Variants in SATB2 observed in about 807,000 individuals in gnomAD.
The protein encoded by SATB2 is SATB homeobox 2.
A neutral mutation model predicts 73.4 loss-of-function variants in SATB2; 1 was observed. The ratio of observed to expected loss-of-function variants is 0.01; its 90% CI spans 0.00 to 0.06. SATB2 has a LOEUF of 0.06. Ranked by LOEUF, SATB2 falls within the 10% of genes least tolerant of loss-of-function variation. SATB2 has a pLI of 1.00. For synonymous variants in SATB2, 397 were observed against 367.0 expected (o/e 1.08, Z -0.93); for missense variants, 459 against 945.8 (o/e 0.49, Z 6.75).
At chr2:199,350,874 T>C (rs1390982781) in intron 6 of SATB2, among the ~76,000 whole-genome samples, 1 of 151,710 alleles carries the variant, frequency 6.6e-6, no homozygotes, top group Non-Finnish European at 1.5e-5. Context: ...AATACAAAAA[T>C]TAGCCAGGCA....
chr2:199,280,501 CA>C (rs1692454556), intron 10 of SATB2, among the ~76,000 whole-genome samples: 1 of 152,156 alleles, frequency 6.6e-6, no homozygotes, highest in African/African-American at 2.4e-5. Context: ...TCTCGTCTTT[CA>C]AAAGCAAATG....
At chr2:199,290,432 C>T (rs1007322012) in intron 10 of SATB2, among the ~76,000 whole-genome samples, 3 of 152,182 alleles carry the variant, frequency 2.0e-5, no homozygotes, top group African/African-American at 7.2e-5. Context: ...TATACGTCTA[C>T]ACAGGCAATA....
intron 5 of SATB2, among the ~76,000 whole-genome samples, chr2:199,377,149 G>T (rs1459204934): frequency 1.3e-5 from 2 of 152,176 alleles, no homozygotes; most frequent in African/African-American, 4.8e-5. Context: ...GGCTGAGGCA[G>T]ATGGATCATG....
intron 10 of SATB2, among the ~76,000 whole-genome samples, chr2:199,276,750 C>T (rs1692323440): frequency 3.0e-3 from 3 of 1,004 alleles, no homozygotes; most frequent in Admixed American, 0.016. Context: ...CCAGCATTAC[C>T]TTTTTCCCTT....
chr2:199,331,066 GT>G (rs1236414630), intron 7 of SATB2, among the ~76,000 whole-genome samples: 3 of 152,080 alleles, frequency 2.0e-5, no homozygotes, highest in African/African-American at 7.2e-5. Context: ...ATTTTAACAA[GT>G]TGTGGAGTTT....
chr2:199,468,574 T>C (rs565164107), upstream of SATB2, among the ~76,000 whole-genome samples: 1 of 152,318 alleles, frequency 6.6e-6, no homozygotes, highest in South Asian at 2.1e-4. Context: ...GCTGGTGCAG[T>C]ATCCACTCTC....
intron 10 of SATB2, among the ~76,000 whole-genome samples, chr2:199,285,185 C>A (rs1692648940): frequency 6.6e-6 from 1 of 152,018 alleles, no homozygotes; most frequent in African/African-American, 2.4e-5. Context: ...AAAAGAGATT[C>A]TGAGACCAAA....
intron 3 of SATB2, among the ~76,000 whole-genome samples, chr2:199,418,520 ACATTTTATT>A (rs1691066761): frequency 6.6e-6 from 1 of 152,180 alleles, no homozygotes; most frequent in Admixed American, 6.5e-5. Context: ...AAATTTTTTC[ACATTTTATT>A]AGTTTATTAG....
chr2:199,429,701 G>A (rs1691442460), intron 3 of SATB2, among the ~76,000 whole-genome samples: 2 of 152,192 alleles, frequency 1.3e-5, no homozygotes, highest in South Asian at 4.1e-4. Context: ...CCTGAGGTCA[G>A]GAGTTCAAGA....
At chr2:199,452,462 G>A (rs1476443193) in intron 2 of SATB2, among the ~76,000 whole-genome samples, 1 of 152,046 alleles carries the variant, frequency 6.6e-6, no homozygotes, top group African/African-American at 2.4e-5. Flanking sequence ...AACATTTTAG[G>A]TACTTATGCT....
At position 199,308,514 on chromosome 2, in the gene SATB2, A is replaced by C. The variant is rs1038297447; in HGVS notation, c.1740+246T>G. 1.3e-5 allele frequency among the ~76,000 whole-genome samples: 2 copies of C among 152,120 alleles called. No individual in the cohort carries two copies. The highest frequency in any genetic ancestry group is 2.9e-5 in the Non-Finnish European group (2 of 68,018). ...TCTCAGGAAAGCAGCTGTCTTTGGCATTCAACTTCTCAGTCATTTTTCTTT... is the reference window on the plus strand; with the variant it reads ...TCTCAGGAAAGCAGCTGTCTTTGGCCTTCAACTTCTCAGTCATTTTTCTTT... On this transcript the variant is annotated intron_variant, in intron 10 of 10. Coordinates refer to ENST00000417098, the MANE Select transcript of SATB2 (RefSeq NM_001172509.2). The surrounding 1 kb of genome is among the most constrained non-coding windows in gnomAD (Gnocchi z 4.6).
At chr2:199,384,060 G>A (rs1219804488) in intron 3 of SATB2, among the ~76,000 whole-genome samples, 1 of 152,144 alleles carries the variant, frequency 6.6e-6, no homozygotes, top group African/African-American at 2.4e-5. Flanking sequence ...TTAGAGAGGG[G>A]AGGGAGAGAA....
At chr2:199,353,215 C>T (rs1029484209) in intron 6 of SATB2, among the ~76,000 whole-genome samples, 3 of 124,356 alleles carry the variant, frequency 2.4e-5, no homozygotes, top group Non-Finnish European at 3.1e-5. Context: ...AGTGCAGTGG[C>T]ACAATCTCAG....
chr2:199,338,500 G>T (rs142687626), intron 7 of SATB2, among the ~76,000 whole-genome samples: 1 of 152,110 alleles, frequency 6.6e-6, no homozygotes, highest in Non-Finnish European at 1.5e-5. Context: ...GTTAGAGAAT[G>T]GTGAAACAAG....
chr2:199,432,266 AT>A (rs1691525655), intron 3 of SATB2, among the ~76,000 whole-genome samples: 1 of 152,196 alleles, frequency 6.6e-6, no homozygotes, highest in African/African-American at 2.4e-5. Flanking sequence ...TACTTAAAAT[AT>A]TTCCTAAAAA....
At chr2:199,470,939 A>G (rs1322725088) in intron 1 of SATB2, 1 of 152,424 alleles carries the variant, frequency 6.6e-6, no homozygotes, top group East Asian at 1.9e-4. Context: ...TTTGCTGCGG[A>G]CGCTGCTCTG....
chr2:199,331,710 G>T (rs1688195435), intron 7 of SATB2, among the ~76,000 whole-genome samples: 1 of 151,952 alleles, frequency 6.6e-6, no homozygotes. Context: ...TCCAAATTCT[G>T]CATGCTTATA....
chr2:199,313,784 T>C (rs575985064), intron 9 of SATB2, among the ~76,000 whole-genome samples: 28 of 152,354 alleles, frequency 1.8e-4, no homozygotes, highest in African/African-American at 6.5e-4. Context: ...GTTTCATTAA[T>C]GAGTTGCATA....
intron 7 of SATB2, chr2:199,348,301 G>C (rs180873326): frequency 7.7e-5 from 12 of 156,160 alleles, no homozygotes; most frequent in Non-Finnish European, 1.4e-5. Context: ...AAAACCAAGG[G>C]AAAAAAATAG....
Sources: allele counts gnomAD v4.1 joint callset (sites outside exome capture counted in the v4.1 genomes callset), GRCh38; gene constraint gnomAD v4.1.1; non-coding constraint Gnocchi (gnomAD v3.1); transcripts MANE v1.5; gene names NCBI Gene and HGNC (gene_info 2026-07-23, HGNC 2026-07-21).